MPI: variants seen among roughly 807,000 people sequenced by gnomAD.
MPI encodes the protein mannose-6-phosphate isomerase.
In MPI, 33 loss-of-function variants were observed where a neutral mutation model predicts 40.1. The ratio of observed to expected loss-of-function variants is 0.82; its 90% CI spans 0.62 to 1.10. MPI has a LOEUF of 1.10. Ranked by LOEUF, MPI falls within the 50% of genes least tolerant of loss-of-function variation. The pLI, the probability that MPI is intolerant of heterozygous loss-of-function variation, is 0.00. For missense variants in MPI, 514 were observed against 524.1 expected, an observed-to-expected ratio of 0.98 and a Z score of 0.19; for synonymous variants, 187 against 207.4, an observed-to-expected ratio of 0.90 and a Z score of 0.85.
At chr15:74,897,448 TG>T in intron 7 of MPI, 63 bp from the exon 8 acceptor site, 2 of 1,535,386 alleles carry the variant, frequency 1.3e-6, no homozygotes, top group Non-Finnish European at 1.8e-6. Flanking sequence ...GGGACTGTCC[TG>T]GGCCCATGAG....
Position 74,897,086 on chromosome 15 carries a change from C to T in MPI, c.920C>T (p.Thr307Ile), listed in dbSNP as rs142113673. 4.0e-5 allele frequency: 65 copies of T among 1,614,022 alleles called. No individual in the cohort carries two copies. In the African/African-American group the frequency reaches 8.5e-4, roughly 21 times the overall value. Reference sequence around the variant, plus strand: ...ACACCCAAGTTCATTGATGTGCCAACCCTGTGTGAAATGCTCAGCTATACC... The same window carrying T: ...ACACCCAAGTTCATTGATGTGCCAATCCTGTGTGAAATGCTCAGCTATACC... ...GLTPKFIDVP[T>I]LCEMLSYTPS... The change falls in exon 7 of 8, where the codon ACC (threonine) becomes ATC (isoleucine). Residue 307 changes from threonine (T) to isoleucine (I), a missense_variant. Physicochemically the swap from Thr to Ile is moderately conservative, Grantham distance 89. Coordinates refer to ENST00000352410, the MANE Select transcript of MPI (RefSeq NM_002435.3).
intron 1 of MPI, 53 bp from the exon 2 acceptor site, chr15:74,890,474 C>G: frequency 1.2e-6 from 2 of 1,612,874 alleles, no homozygotes; most frequent in Non-Finnish European, 1.7e-6. Flanking sequence ...TCCCGGGACA[C>G]TAGGGTGGGG....
intron 3 of MPI, among the ~76,000 whole-genome samples, chr15:74,891,953 C>T (rs1024751877): frequency 6.6e-6 from 1 of 152,130 alleles, no homozygotes; most frequent in Non-Finnish European, 1.5e-5. Context: ...AGTCTCCCTA[C>T]ACAAGCCGGA....
chr15:74,890,117 G>A (rs2064701152), intron 1 of MPI, 28 bp downstream of exon 1: 8 of 1,607,516 alleles, frequency 5.0e-6, no homozygotes, highest in Non-Finnish European at 6.8e-6. Flanking sequence ...GTGTCGGCGA[G>A]TGTGTTCGTG....
chr15:74,890,134 G>C, intron 1 of MPI, 45 bp downstream of exon 1: 1 of 1,605,560 alleles, frequency 6.2e-7, no homozygotes, highest in Non-Finnish European at 8.5e-7. Context: ...CGTGGAGCGC[G>C]TCCTGGGGAC....
At chr15:74,894,878 C>T (rs1025983781) in intron 5 of MPI, among the ~76,000 whole-genome samples, 4 of 152,090 alleles carry the variant, frequency 2.6e-5, no homozygotes, top group African/African-American at 7.2e-5. Flanking sequence ...CTCATTTTCC[C>T]TTGTCGTTTC....
chr15:74,890,189 C>T, intron 1 of MPI, 100 bp downstream of exon 1: 10 of 1,529,106 alleles, frequency 6.5e-6, no homozygotes, highest in South Asian at 1.1e-5. Flanking sequence ...CCTGGCATTC[C>T]GCGGAAAGAT....
rs117089191 is a variant in MPI, at chr15:74,897,148, C to T, written c.982C>T (p.Arg328Trp). The T allele has an allele frequency of 9.4e-3, 15,175 of 1,614,186 alleles. 101 individuals carry two copies. Among genetic ancestry groups the T allele is most frequent in the Non-Finnish European group, 0.012 (14,231 of 1,180,024 alleles). ...CAAGGACAGGCTCTTTCTCCCAACACGGAGTCAGGAAGACCCCTACCTCTC... is the reference window on the plus strand; with the variant it reads ...CAAGGACAGGCTCTTTCTCCCAACATGGAGTCAGGAAGACCCCTACCTCTC... ...SSKDRLFLPT[R>W]SQEDPYLSIY... Residue 328 changes from arginine to tryptophan, a missense_variant, in exon 7 of 8, where the codon CGG (arginine) becomes TGG (tryptophan). Coordinates refer to ENST00000352410, the MANE Select transcript of MPI (RefSeq NM_002435.3).
At position 74,898,835 on chromosome 15, in the gene MPI, G is replaced by A. The variant is rs1164719901; in HGVS notation, c.*1105G>A. The A allele has an allele frequency of 6.6e-6, 1 of 152,382 alleles. No individual in the cohort carries two copies. Among genetic ancestry groups the A allele is most frequent in the East Asian group, 1.9e-4 (1 of 5,198 alleles). The allele number at this position is 152,382 out of a possible 1,614,324, so 9.4% of individuals were successfully genotyped here. A position where few individuals can be genotyped will look rare whatever the true frequency, so the allele number is the denominator to read the frequency against. On this transcript the variant is annotated 3_prime_UTR_variant, in exon 8 of 8. Transcript: ENST00000352410. ...ATTACAGGCGTGAGCCACCACGCCT[G>A]GCCCGGCTCCTGTTTTTCAACTGGC... is the stretch of plus-strand genomic sequence containing the variant.
chr15:74,892,895 T>C (rs1047325875), intron 4 of MPI, 93 bp downstream of exon 4: 4 of 1,594,926 alleles, frequency 2.5e-6, no homozygotes, highest in Non-Finnish European at 3.4e-6. Context: ...ACGGGTCACA[T>C]GTCACAGGAA....
Position 74,901,393 on chromosome 15 carries a change from A to AG in MPI, c.*3668dup, listed in dbSNP as rs1233517691. 1 of 152,104 alleles carries AG rather than the reference A, an allele frequency of 6.6e-6. No individual in the cohort carries two copies. Among genetic ancestry groups the AG allele is most frequent in the Admixed American group, 6.5e-5 (1 of 15,272 alleles). 9.4% of individuals were successfully genotyped at this position (152,104 alleles called of 1,614,324 possible). A position where few individuals can be genotyped will look rare whatever the true frequency, so the allele number is the denominator to read the frequency against. ...AAGATATACTCTCCAATTTGTGGGT[A>AG]GGGGGTGTCACAGCAGAAATTATGC... On this transcript the variant is annotated 3_prime_UTR_variant, in exon 8 of 8. Transcript: ENST00000352410.
In MPI at chr15:74,899,242, C is replaced by T. The variant is rs2064870176; in HGVS notation, c.*1512C>T. The T allele has an allele frequency of 6.6e-6, 1 of 152,226 alleles. No individual in the cohort carries two copies. The highest frequency in any genetic ancestry group is 2.1e-4 in the South Asian group (1 of 4,834). The allele number at this position is 152,226 out of a possible 1,614,324, so 9.4% of individuals were successfully genotyped here. A position where few individuals can be genotyped will look rare whatever the true frequency, so the allele number is the denominator to read the frequency against. ...CCTGCAATCGTAGATCCTGTCACCACAGACTAATCACTTAGTCCACTGGCT... is the reference window on the plus strand; with the variant it reads ...CCTGCAATCGTAGATCCTGTCACCATAGACTAATCACTTAGTCCACTGGCT... On this transcript the variant is annotated 3_prime_UTR_variant, in exon 8 of 8. Transcript: ENST00000352410.
At chr15:74,890,889 T>C in intron 2 of MPI, 1 of 662,224 alleles carries the variant, frequency 1.5e-6, no homozygotes, top group South Asian at 1.6e-5. Context: ...TAGTGAATTT[T>C]AATTCAGCCC....
Position 74,891,148 on chromosome 15 carries a change from A to T in MPI, c.145-231A>T, listed in dbSNP as rs2064719890. On this transcript the variant is annotated intron_variant, in intron 2 of 7. Transcript: ENST00000352410. The stretch of plus-strand genomic sequence containing the variant: ...CAAAGAAGATACATCTAAAGAAGGG[A>T]AATAACTAGTCCAAGTCTTCATAGA... The T allele has an allele frequency of 6.4e-6, 4 of 624,688 alleles. No individual in the cohort carries two copies. In the Admixed American group the frequency reaches 1.0e-4, roughly 16 times the overall value. 38.7% of individuals were successfully genotyped at this position (624,688 alleles called of 1,614,324 possible).
rs2064861470 is a variant in MPI at position 74,898,692 on chromosome 15, C to T, written c.*962C>T. ...AGCTGGGACCACAGGCGCCCACCAC[C>T]ACGCCCAGCCAATTTTTTTGGTATT... On this transcript the variant is annotated 3_prime_UTR_variant, in exon 8 of 8. Coordinates refer to ENST00000352410, the MANE Select transcript of MPI (RefSeq NM_002435.3). The T allele has an allele frequency of 6.6e-6, 1 of 152,274 alleles. No individual in the cohort carries two copies. The allele number at this position is 152,274 out of a possible 1,614,324, so 9.4% of individuals were successfully genotyped here.
intron 5 of MPI, among the ~76,000 whole-genome samples, chr15:74,894,104 G>GCC (rs2064777975): frequency 1.2e-4 from 3 of 25,322 alleles, no homozygotes; most frequent in Admixed American, 4.7e-4. Context: ...GTGTGTGTGT[G>GCC]TGTGGTCTCT....
chr15:74,893,409 C>T, intron 5 of MPI, 89 bp downstream of exon 5: 1 of 1,480,126 alleles, frequency 6.8e-7, no homozygotes, highest in Non-Finnish European at 9.4e-7. Context: ...TCTCAACCCC[C>T]TTGCCCAAGT....
At position 74,897,588 on chromosome 15, in the gene MPI, T is replaced by C; in HGVS notation, c.1130T>C (p.Val377Ala). 1 of 1,614,144 alleles carries C rather than the reference T, an allele frequency of 6.2e-7. No individual in the cohort carries two copies. Among genetic ancestry groups the C allele is most frequent in the Non-Finnish European group, 8.5e-7 (1 of 1,180,020 alleles). The change falls in exon 8 of 8, where the codon GTA (valine) becomes GCA (alanine). Residue 377 changes from valine to alanine, a missense_variant. By Grantham distance (64) the Val-to-Ala change is moderately conservative. Transcript: ENST00000352410. ...ASILLMVQGT[V>A]IASTPTTQTP... ...ATCCTCCTGATGGTACAGGGGACAG[T>C]AATAGCCAGCACACCCACAACCCAG...
chr15:74,892,724 G>C lies in MPI; in HGVS notation c.409G>C (p.Glu137Gln). The C allele has an allele frequency of 1.9e-6, 3 of 1,614,284 alleles. No homozygotes were observed. The highest frequency in any genetic ancestry group is 2.2e-5 in the East Asian group (1 of 44,888). Residue 137 changes from glutamate to glutamine, a missense_variant, in exon 4 of 8, where the codon GAG becomes CAG. Glu to Gln is a conservative substitution (Grantham distance 29). Coordinates refer to ENST00000352410, the MANE Select transcript of MPI (RefSeq NM_002435.3). Reference sequence around the variant, plus strand: ...CTACCCCGATGCCAACCACAAGCCAGAGATGGCCATTGCCCTCACCCCCTT... The same window carrying C: ...CTACCCCGATGCCAACCACAAGCCACAGATGGCCATTGCCCTCACCCCCTT... ...QHYPDANHKP[E>Q]MAIALTPFQG...
Sources: allele counts gnomAD v4.1 joint callset (sites outside exome capture counted in the v4.1 genomes callset), GRCh38; gene constraint gnomAD v4.1.1; transcripts MANE v1.5; gene names NCBI Gene and HGNC (gene_info 2026-07-23, HGNC 2026-07-21).